TMPRSS6: variants seen among roughly 807,000 people sequenced by gnomAD.
The protein encoded by TMPRSS6 is transmembrane serine protease 6.
A neutral mutation model predicts 101.5 loss-of-function variants in TMPRSS6; 67 were observed. That is an observed-to-expected ratio of 0.66 (90% CI 0.54 to 0.81). The LOEUF is 0.81. Ranked by LOEUF, TMPRSS6 falls within the 30% of genes least tolerant of loss-of-function variation. The pLI is 0.00. For missense variants in TMPRSS6, 1,034 were observed against 1,088.7 expected (o/e 0.95, Z 0.71); for synonymous variants, 453 against 464.9 (o/e 0.97, Z 0.33).
chr22:37,087,400 C>T (rs1928871900), intron 7 of TMPRSS6, among the ~76,000 whole-genome samples: 1 of 152,224 alleles, frequency 6.6e-6, no homozygotes, highest in South Asian at 2.1e-4. Context: ...AGTACCTGAG[C>T]TCCTCCAAGC....
At position 37,084,359 on chromosome 22, in the gene TMPRSS6, C is replaced by T. The variant is rs144007816; in HGVS notation, c.1132G>A (p.Ala378Thr). 2.0e-5 allele frequency: 33 copies of T among 1,613,346 alleles called. No individual in the cohort carries two copies. Among genetic ancestry groups the T allele is most frequent in the Non-Finnish European group, 2.6e-5 (31 of 1,179,702 alleles). ...YGLALWFDAY[A>T]LRRQKYDLPC... ...AAATCATACTTCTGCCTCCTCAGTG[C>T]ATAGGCATCAAACCAGAGGGCCAAG... Residue 378 changes from alanine (A) to threonine (T), a missense_variant, in exon 10 of 18, where the codon GCA becomes ACA. Physicochemically the swap from Ala to Thr is moderately conservative, Grantham distance 58 (BLOSUM62 0). Coordinates refer to ENST00000676104, the MANE Select transcript of TMPRSS6 (RefSeq NM_001374504.1).
In TMPRSS6 at chr22:37,066,074, A is replaced by G; in HGVS notation, c.*6T>C. 1 of 1,612,958 alleles carries G rather than the reference A, an allele frequency of 6.2e-7. No homozygotes were observed. The highest frequency in any genetic ancestry group is 8.5e-7 in the Non-Finnish European group (1 of 1,179,720). ...GGTGGGCCCTGCTTTGCAGGGGGGCAGTTCCTCAGGTCACCACTTGCTGGA... is the reference window on the plus strand; with the variant it reads ...GGTGGGCCCTGCTTTGCAGGGGGGCGGTTCCTCAGGTCACCACTTGCTGGA... On this transcript the variant is annotated 3_prime_UTR_variant, in exon 18 of 18. Transcript: ENST00000676104.
At chr22:37,083,766 G>T (rs914063533) in intron 10 of TMPRSS6, among the ~76,000 whole-genome samples, 28 of 152,232 alleles carry the variant, frequency 1.8e-4, no homozygotes, top group Admixed American at 2.6e-4. Context: ...GCAAGAGCAG[G>T]GAAGAGGGCA....
In TMPRSS6 at chr22:37,066,940, C is replaced by A; in HGVS notation, c.2136G>T (p.Gln712His). 6.2e-7 allele frequency: 1 copy of A among 1,614,194 alleles called. No homozygotes were observed. Among genetic ancestry groups the A allele is most frequent in the Non-Finnish European group, 8.5e-7 (1 of 1,180,046 alleles). The change falls in exon 17 of 18, where the codon CAG becomes CAT. Residue 712 changes from glutamine (Q) to histidine (H), a missense_variant. By Grantham distance (24) the Gln-to-His change is conservative (BLOSUM62 0). Coordinates refer to ENST00000676104, the MANE Select transcript of TMPRSS6 (RefSeq NM_001374504.1). ...REGGPISNAL[Q>H]KVDVQLIPQD... ...GTGGGATCAACTGCACATCCACTTT[C>A]TGCAGAGCGTTGCTGATGGGGCCTG...
upstream of TMPRSS6, among the ~76,000 whole-genome samples, chr22:37,110,509 C>T (rs1300161356): frequency 6.6e-6 from 1 of 152,124 alleles, no homozygotes; most frequent in African/African-American, 2.4e-5. Flanking sequence ...ACCCGTGGCT[C>T]TTGAGTCAGT....
chr22:37,068,549 G>A, intron 16 of TMPRSS6: 1 of 776,500 alleles, frequency 1.3e-6, no homozygotes, highest in Non-Finnish European at 2.4e-6. Flanking sequence ...GGAAGAGCAG[G>A]GGCTCTGGAG....
At chr22:37,072,999 A>T in intron 13 of TMPRSS6, among the ~76,000 whole-genome samples, 1 of 146,934 alleles carries the variant, frequency 6.8e-6, no homozygotes, top group South Asian at 2.3e-4. Flanking sequence ...TAGATGGATG[A>T]TGGATGGATG....
chr22:37,089,389 G>A (rs1003697635), intron 7 of TMPRSS6, among the ~76,000 whole-genome samples, 189 bp downstream of exon 7: 13 of 151,888 alleles, frequency 8.6e-5, no homozygotes, highest in African/African-American at 7.3e-5. Context: ...GAGGGGAAGC[G>A]CCCCCAGTAC....
intron 16 of TMPRSS6, among the ~76,000 whole-genome samples, 171 bp downstream of exon 16, chr22:37,068,902 A>G (rs1601514806): frequency 1.3e-5 from 2 of 152,272 alleles, no homozygotes; most frequent in African/African-American, 2.4e-5. Flanking sequence ...TACAGGCCGC[A>G]TTAAATGGTG....
In TMPRSS6 at chr22:37,084,711, C is replaced by T. The variant is rs1224813826; in HGVS notation, c.1086+16G>A. 1.9e-6 allele frequency: 3 copies of T among 1,549,084 alleles called. No individual in the cohort carries two copies. In the Middle Eastern group the frequency reaches 6.4e-4, roughly 332 times the overall value. ...TTGCGGCAGAGGGCAGGTGGGCAGGCAGGGTGGGGTCTCACCGTGAGGTGC... is the reference window on the plus strand; with the variant it reads ...TTGCGGCAGAGGGCAGGTGGGCAGGTAGGGTGGGGTCTCACCGTGAGGTGC... On this transcript the variant is annotated intron_variant, in intron 9 of 17. Transcript: ENST00000676104.
At chr22:37,089,444 C>T (rs534623615) in intron 7 of TMPRSS6, 134 bp downstream of exon 7, 6 of 852,764 alleles carry the variant, frequency 7.0e-6, no homozygotes, top group South Asian at 4.8e-5. Flanking sequence ...CTAAGCTAGC[C>T]GTCCTGTCTC....
In TMPRSS6 at chr22:37,103,471, C is replaced by A; in HGVS notation, c.-1-53G>T. On this transcript the variant is annotated intron_variant, in intron 1 of 17. Transcript: ENST00000676104. The surrounding 1 kb of genome is among the most constrained non-coding windows in gnomAD (Gnocchi z 4.4). ...AACAGCCTCGCATTTGCAAGGGAGC[C>A]TCTGCTGAGCACCGGTGGGGCACGG... The A allele has an allele frequency of 1.9e-6, 3 of 1,614,228 alleles. No homozygotes were observed. The highest frequency in any genetic ancestry group is 1.7e-5 in the Admixed American group (1 of 60,030).
chr22:37,084,492 A>G (rs893711031), intron 9 of TMPRSS6, 88 bp from the exon 10 acceptor site: 11 of 1,025,096 alleles, frequency 1.1e-5, no homozygotes, highest in East Asian at 2.6e-5. Flanking sequence ...AGAAGGAAAC[A>G]CAGAATCCCA....
chr22:37,069,356 TGGGG>T lies in TMPRSS6; in HGVS notation c.1842-16_1842-13del. On this transcript the variant is annotated splice_polypyrimidine_tract_variant and intron_variant, in intron 15 of 17. Coordinates refer to ENST00000676104, the MANE Select transcript of TMPRSS6 (RefSeq NM_001374504.1). The surrounding 1 kb of genome is among the most constrained non-coding windows in gnomAD (Gnocchi z 4.8). Reference sequence around the variant, plus strand: ...CCGTGGAGGCCATGCTGGGGTGGGGTGGGGTGGGGTGGGGTGGGGTGAGGTGAGG... The same window carrying T: ...CCGTGGAGGCCATGCTGGGGTGGGGTTGGGGTGGGGTGGGGTGAGGTGAGG... 8.1e-6 allele frequency: 1 copy of T among 123,288 alleles called. No homozygotes were observed. The highest frequency in any genetic ancestry group is 1.5e-5 in the Non-Finnish European group (1 of 67,618). 7.6% of individuals were successfully genotyped at this position (123,288 alleles called of 1,614,324 possible).
chr22:37,072,210 TG>T (rs1927021552), intron 13 of TMPRSS6, among the ~76,000 whole-genome samples: 1 of 126,098 alleles, frequency 7.9e-6, no homozygotes, highest in African/African-American at 3.7e-5. Flanking sequence ...AATGGATGGA[TG>T]GATGATGGAT....
Position 37,103,637 on chromosome 22 carries a change from A to G in TMPRSS6, c.-1-219T>C. On this transcript the variant is annotated intron_variant, in intron 1 of 17. Coordinates refer to ENST00000676104, the MANE Select transcript of TMPRSS6 (RefSeq NM_001374504.1). This position sits in a 1 kb window ranked among gnomAD's most constrained non-coding sequence, Gnocchi z 4.4. Reference sequence around the variant, plus strand: ...ACCAGAGGGCAGGCACCAGAGCTGGACTGGGTCTGGCTCAAGAACCCCACC... The same window carrying G: ...ACCAGAGGGCAGGCACCAGAGCTGGGCTGGGTCTGGCTCAAGAACCCCACC... 1 of 1,575,066 alleles carries G rather than the reference A, an allele frequency of 6.3e-7. No individual in the cohort carries two copies. The highest frequency in any genetic ancestry group is 1.1e-5 in the South Asian group (1 of 90,174).
rs1928519125 is a variant in TMPRSS6, at chr22:37,084,390, G to C, written c.1101C>G (p.Asp367Glu). The C allele has an allele frequency of 6.2e-7, 1 of 1,612,112 alleles. No individual in the cohort carries two copies. Among genetic ancestry groups the C allele is most frequent in the Non-Finnish European group, 8.5e-7 (1 of 1,179,150 alleles). ...CSWHLTVPSL[D>E]YGLALWFDAY... is the part of the protein sequence containing the mutation. ...CATCAAACCAGAGGGCCAAGCCGTAGTCCAGAGAGGGCACCTGGGAGGGAG... is the reference window on the plus strand; with the variant it reads ...CATCAAACCAGAGGGCCAAGCCGTACTCCAGAGAGGGCACCTGGGAGGGAG... Residue 367 changes from aspartate (D) to glutamate (E), a missense_variant, in exon 10 of 18, where the codon GAC becomes GAG. Transcript: ENST00000676104.
intron 10 of TMPRSS6, 173 bp downstream of exon 10, chr22:37,084,122 G>C: frequency 1.5e-6 from 1 of 655,646 alleles, no homozygotes; most frequent in Non-Finnish European, 2.8e-6. Flanking sequence ...AGGCTGGGAC[G>C]AGGACAAGGT....
At chr22:37,095,344 C>T (rs538782655) in intron 6 of TMPRSS6, among the ~76,000 whole-genome samples, 11 of 152,234 alleles carry the variant, frequency 7.2e-5, no homozygotes, top group East Asian at 1.9e-4. Context: ...CAAATACACG[C>T]ATGCACGTCG....
Sources: gnomAD v4.1 joint callset for allele counts (sites outside exome capture counted in the v4.1 genomes callset) on GRCh38, gnomAD v4.1.1 for gene constraint, Gnocchi (gnomAD v3.1) non-coding constraint, MANE v1.5 for transcripts, NCBI Gene and HGNC (gene_info 2026-07-23, HGNC 2026-07-21) for gene names.